RIN2: variants seen among roughly 807,000 people sequenced by gnomAD.
RIN2 encodes the protein Ras and Rab interactor 2.
Under a neutral mutation model 78.0 loss-of-function variants are expected in RIN2, and 36 were observed. The observed-to-expected ratio is 0.46, with a 90% CI of 0.35 to 0.61. The LOEUF (loss-of-function observed/expected upper bound fraction) is 0.61. Ranked by LOEUF, RIN2 falls within the 20% of genes least tolerant of loss-of-function variation. The probability of loss-of-function intolerance (pLI) is 0.00; values close to 1 mark genes in which losing one functional copy is unlikely to be tolerated. For synonymous variants in RIN2, 466 were observed against 466.8 expected (o/e 1.00, Z 0.02); for missense variants, 1,087 against 1,159.7 (o/e 0.94, Z 0.91).
intron 3 of RIN2, among the ~76,000 whole-genome samples, chr20:19,911,933 C>G (rs978226316): frequency 2.2e-4 from 33 of 151,824 alleles, no homozygotes; most frequent in Admixed American, 4.6e-4. Context: ...AGATGTGCAG[C>G]CAGCCATGGC....
intron 12 of RIN2, among the ~76,000 whole-genome samples, chr20:19,997,788 C>T (rs1456941430): frequency 6.6e-6 from 1 of 152,058 alleles, no homozygotes; most frequent in African/African-American, 2.4e-5. Context: ...CCTTACCCAA[C>T]ACAATTCCTG....
chr20:19,826,211 T>A (rs1226819901), intron 2 of RIN2, among the ~76,000 whole-genome samples: 1 of 152,222 alleles, frequency 6.6e-6, no homozygotes, highest in Non-Finnish European at 1.5e-5. Context: ...ATGAATACAT[T>A]TTATCTTGAC....
chr20:19,829,489 T>A (rs1362431028), intron 2 of RIN2, among the ~76,000 whole-genome samples: 1 of 152,214 alleles, frequency 6.6e-6, no homozygotes, highest in Non-Finnish European at 1.5e-5. Context: ...TTGTATATCA[T>A]CTACGTTGTA....
chr20:19,844,656 T>C (rs2036703725), intron 2 of RIN2, among the ~76,000 whole-genome samples: 6 of 138,832 alleles, frequency 4.3e-5, no homozygotes, highest in African/African-American at 1.4e-4. Context: ...TTCTTCTTCT[T>C]CTTCTTCTTC....
chr20:19,841,456 C>A (rs2036573710), intron 2 of RIN2, among the ~76,000 whole-genome samples: 1 of 151,990 alleles, frequency 6.6e-6, no homozygotes, highest in East Asian at 1.9e-4. Flanking sequence ...ATTAAAAAGG[C>A]CACCATTGAA....
intron 3 of RIN2, among the ~76,000 whole-genome samples, chr20:19,893,358 C>T (rs558776626): frequency 6.6e-6 from 1 of 152,194 alleles, no homozygotes; most frequent in Non-Finnish European, 1.5e-5. Flanking sequence ...CAGCTGAATT[C>T]CACATGAGTA....
chr20:19,888,398 G>A (rs1004647092), intron 2 of RIN2, among the ~76,000 whole-genome samples: 1 of 152,180 alleles, frequency 6.6e-6, no homozygotes, highest in East Asian at 1.9e-4. Flanking sequence ...TTTTCCACTT[G>A]TTGAAACGTC....
chr20:19,804,725 G>A (rs1219218831), intron 2 of RIN2, among the ~76,000 whole-genome samples: 5 of 152,258 alleles, frequency 3.3e-5, no homozygotes, highest in African/African-American at 9.6e-5. Context: ...AATGGGTTAG[G>A]GAGAAGTCCC....
At chr20:19,998,001 A>G (rs1003998472) in intron 12 of RIN2, among the ~76,000 whole-genome samples, 6 of 149,968 alleles carry the variant, frequency 4.0e-5, no homozygotes, top group African/African-American at 1.2e-4. Flanking sequence ...CTTAAGACAG[A>G]GTCTCGCTCT....
At chr20:19,864,005 C>T (rs971730020) in intron 2 of RIN2, among the ~76,000 whole-genome samples, 1 of 148,854 alleles carries the variant, frequency 6.7e-6, no homozygotes, top group Non-Finnish European at 1.5e-5. Context: ...AATTGGTTCT[C>T]GGGGGTGGGT....
chr20:19,950,906 T>C (rs1464157695), intron 4 of RIN2, among the ~76,000 whole-genome samples: 1 of 149,686 alleles, frequency 6.7e-6, no homozygotes, highest in African/African-American at 2.5e-5. Flanking sequence ...TTTTCTTTTT[T>C]TGGGACAGAG....
At chr20:19,772,339 C>G (rs1408158051) in intron 1 of RIN2, among the ~76,000 whole-genome samples, 1 of 152,186 alleles carries the variant, frequency 6.6e-6, no homozygotes, top group Non-Finnish European at 1.5e-5. Flanking sequence ...TTCCGTTGTA[C>G]CACTCTAGCC....
intron 5 of RIN2, among the ~76,000 whole-genome samples, chr20:19,957,409 G>A (rs2041587681): frequency 6.6e-6 from 1 of 152,212 alleles, no homozygotes; most frequent in African/African-American, 2.4e-5. Context: ...GGGCACGGTG[G>A]CTCACGCCTG....
Position 19,906,852 on chromosome 20 carries a change from C to T in RIN2, c.57+17194C>T, listed in dbSNP as rs957713056. Among the ~76,000 whole-genome samples, 4 of 152,214 alleles carry T rather than the reference C, an allele frequency of 2.6e-5. 1 individual carries two copies. In the South Asian group the frequency reaches 8.3e-4, roughly 31 times the overall value. ...GCATGGATGAGTGTCCTATAGGCCACTGGAGTATGACCTCTGATATGTGAC... is the reference window on the plus strand; with the variant it reads ...GCATGGATGAGTGTCCTATAGGCCATTGGAGTATGACCTCTGATATGTGAC... On this transcript the variant is annotated intron_variant, in intron 3 of 12. Transcript: ENST00000255006.
In RIN2 at chr20:19,770,466, A is replaced by G. The variant is rs576234447; in HGVS notation, c.-163+12139A>G. Among the ~76,000 whole-genome samples the G allele has an allele frequency of 2.4e-3, 371 of 152,272 alleles. 1 individual carries two copies. Among genetic ancestry groups the G allele is most frequent in the Non-Finnish European group, 3.7e-3 (255 of 68,016 alleles). ...CCTCTGACCCTTAAAGCATTTCCCAATGAGCCATTTTAACAGAACCTCTCT... is the reference window on the plus strand; with the variant it reads ...CCTCTGACCCTTAAAGCATTTCCCAGTGAGCCATTTTAACAGAACCTCTCT... On this transcript the variant is annotated intron_variant, in intron 1 of 12. Coordinates refer to ENST00000255006, the MANE Select transcript of RIN2 (RefSeq NM_018993.4).
intron 2 of RIN2, among the ~76,000 whole-genome samples, chr20:19,877,799 G>C (rs769149659): frequency 6.6e-6 from 1 of 151,860 alleles, no homozygotes; most frequent in Admixed American, 6.6e-5. Context: ...TGGGAGGATC[G>C]CTTGAGCCCA....
chr20:19,889,693 C>T (rs1287180480), intron 3 of RIN2, 35 bp downstream of exon 3: 8 of 1,422,744 alleles, frequency 5.6e-6, no homozygotes, highest in South Asian at 1.5e-5. Flanking sequence ...CTCAACTCGT[C>T]GGCTTGCTGC....
Position 19,947,543 on chromosome 20 carries a change from T to C in RIN2, c.159-9072T>C, listed in dbSNP as rs570232862. Among the ~76,000 whole-genome samples, 51 of 152,260 alleles carry C rather than the reference T, an allele frequency of 3.3e-4. No homozygotes were observed. In the South Asian group the frequency reaches 9.5e-3, roughly 28 times the overall value. On this transcript the variant is annotated intron_variant, in intron 4 of 12. Transcript: ENST00000255006. The stretch of plus-strand genomic sequence containing the variant: ...TAATATGGAACCTGAGTTCTGCTTT[T>C]GTTGTTGTTTTTGTTTATTGATAAG...
intron 2 of RIN2, among the ~76,000 whole-genome samples, chr20:19,830,911 C>A (rs1198956107): frequency 6.6e-6 from 1 of 152,230 alleles, no homozygotes; most frequent in African/African-American, 2.4e-5. Flanking sequence ...CCTCGGGACA[C>A]CCCTATAAGG....
Sources: allele counts gnomAD v4.1 joint callset (sites outside exome capture counted in the v4.1 genomes callset), GRCh38; gene constraint gnomAD v4.1.1; transcripts MANE v1.5; gene names NCBI Gene and HGNC (gene_info 2026-07-23, HGNC 2026-07-21).